Variants in KCTD15 observed in about 807,000 individuals in gnomAD.
KCTD15 encodes BTB/POZ domain-containing protein KCTD15.
KCTD15 carries 11 observed loss-of-function variants against 27.2 expected under a neutral mutation model. The observed-to-expected ratio is 0.41, with a 90% CI of 0.25 to 0.67. KCTD15 has a LOEUF of 0.67. KCTD15 is among the 30% of genes least tolerant of loss of function. The pLI is 0.35. For synonymous variants in KCTD15, 163 were observed against 176.0 expected, an observed-to-expected ratio of 0.93 and a Z score of 0.58; for missense variants, 350 against 409.3, an observed-to-expected ratio of 0.86 and a Z score of 1.25.
upstream of KCTD15, among the ~76,000 whole-genome samples, chr19:33,794,048 T>C (rs183430634): frequency 5.8e-4 from 89 of 152,264 alleles, no homozygotes; most frequent in South Asian, 2.5e-3. Context: ...CACTAAATTG[T>C]ACATTTTTAT....
At chr19:33,798,967 C>A (rs953705541) in intron 2 of KCTD15, among the ~76,000 whole-genome samples, 3 of 152,196 alleles carry the variant, frequency 2.0e-5, no homozygotes, top group African/African-American at 7.2e-5. Context: ...ATCCTCAGCG[C>A]GTCTTCCCTT....
chr19:33,810,846 C>A (rs1975875679), intron 5 of KCTD15, among the ~76,000 whole-genome samples: 1 of 151,626 alleles, frequency 6.6e-6, no homozygotes, highest in African/African-American at 2.4e-5. Flanking sequence ...GCTCCTAGGC[C>A]CGGCTGCCCT....
chr19:33,802,262 G>A (rs1218418990), intron 4 of KCTD15, among the ~76,000 whole-genome samples: 6 of 152,222 alleles, frequency 3.9e-5, no homozygotes, highest in Admixed American at 3.9e-4. Flanking sequence ...GAGCGTGGGA[G>A]GGCCAAGGCT....
At chr19:33,806,702 G>A (rs561397330) in intron 4 of KCTD15, among the ~76,000 whole-genome samples, 161 bp from the exon 5 acceptor site, 1 of 152,286 alleles carries the variant, frequency 6.6e-6, no homozygotes, top group South Asian at 2.1e-4. Context: ...TGCCCCAGGT[G>A]TGTGCAGATG....
intron 4 of KCTD15, 126 bp downstream of exon 4, chr19:33,801,468 C>T (rs1975543637): frequency 5.1e-6 from 4 of 777,524 alleles, no homozygotes; most frequent in Non-Finnish European, 7.9e-6. Context: ...GGTGCACAAG[C>T]TGACACAGCC....
upstream of KCTD15, chr19:33,796,408 A>T (rs1212161052): frequency 4.7e-5 from 7 of 150,068 alleles, no homozygotes; most frequent in Non-Finnish European, 8.9e-5. Context: ...AGGAGGGGAA[A>T]CGGCGCGTTT....
rs761695744 is a variant in KCTD15 at position 33,803,306 on chromosome 19, G to T, written c.242+1964G>T. On this transcript the variant is annotated intron_variant, in intron 4 of 6. Transcript: ENST00000683859. The stretch of plus-strand genomic sequence containing the variant: ...CAGCTGTGCTGGCAAGAGCCCCTCA[G>T]ATCTCTCTTGTCCTTCCTGTAGTGG... Among the ~76,000 whole-genome samples the T allele has an allele frequency of 2.6e-5, 4 of 152,362 alleles. No homozygotes were observed. In the East Asian group the frequency reaches 7.7e-4, roughly 29 times the overall value.
Position 33,811,491 on chromosome 19 carries a change from A to G in KCTD15, c.632A>G (p.Gln211Arg). Residue 211 changes from glutamine to arginine, a missense_variant, in exon 6 of 7, where the codon CAG (glutamine) becomes CGG (arginine). Gln to Arg is a conservative substitution (Grantham distance 43, BLOSUM62 1). Coordinates refer to ENST00000683859, the MANE Select transcript of KCTD15 (RefSeq NM_001129994.2). The stretch of plus-strand genomic sequence containing the variant: ...AACTCCGTCAACGCCGGCTGGAACC[A>G]GGACCCCACGCACGTCATCCGCTTC... ...MCNSVNAGWNQDPTHVIRFPL... is the reference protein window; with the variant it reads ...MCNSVNAGWNRDPTHVIRFPL... 1.2e-6 allele frequency: 2 copies of G among 1,612,436 alleles called. No individual in the cohort carries two copies. Among genetic ancestry groups the G allele is most frequent in the Non-Finnish European group, 1.7e-6 (2 of 1,179,440 alleles).
chr19:33,802,402 A>AG (rs1487105688), intron 4 of KCTD15, among the ~76,000 whole-genome samples: 2 of 152,192 alleles, frequency 1.3e-5, no homozygotes, highest in Non-Finnish European at 2.9e-5. Flanking sequence ...TCCTCAGAGC[A>AG]GGGAGGATGG....
Position 33,811,416 on chromosome 19 carries a change from A to G in KCTD15, c.557A>G (p.Glu186Gly). The G allele has an allele frequency of 1.2e-6, 2 of 1,611,148 alleles. No homozygotes were observed. The highest frequency in any genetic ancestry group is 8.5e-7 in the Non-Finnish European group (1 of 1,179,078). The part of the protein sequence containing the change: ...DLGERIALSG[E>G]KALIEEVFPE... ...GGCGAGCGGATCGCACTCAGCGGCGAGAAGGCCCTCATCGAGGAGGTCTTC... is the reference window on the plus strand; with the variant it reads ...GGCGAGCGGATCGCACTCAGCGGCGGGAAGGCCCTCATCGAGGAGGTCTTC... The change falls in exon 6 of 7, where the codon GAG becomes GGG. Residue 186 changes from glutamate (E) to glycine (G), a missense_variant. Around this residue, in one of 3 missense-constraint regions of KCTD15, gnomAD observed 219 missense variants for 234.9 expected, o/e 0.93. Coordinates refer to ENST00000683859, the MANE Select transcript of KCTD15 (RefSeq NM_001129994.2).
At chr19:33,804,427 G>C (rs1975652890) in intron 4 of KCTD15, among the ~76,000 whole-genome samples, 1 of 152,208 alleles carries the variant, frequency 6.6e-6, no homozygotes, top group African/African-American at 2.4e-5. Flanking sequence ...CGTCAGAAGG[G>C]TTGGGAACTC....
intron 4 of KCTD15, among the ~76,000 whole-genome samples, chr19:33,804,776 C>T (rs1975663270): frequency 6.6e-6 from 1 of 152,168 alleles, no homozygotes; most frequent in Non-Finnish European, 1.5e-5. Flanking sequence ...CCTGCAGTGC[C>T]ATTGTCACCA....
intron 6 of KCTD15, chr19:33,812,053 T>C: frequency 7.2e-7 from 1 of 1,391,292 alleles, no homozygotes; most frequent in Non-Finnish European, 9.3e-7. Context: ...GGGCCTATTT[T>C]CCAACAGCTC....
chr19:33,812,673 C>T lies in KCTD15; in HGVS notation c.694-117C>T, dbSNP rs184612711. On this transcript the variant is annotated intron_variant, in intron 6 of 6. Transcript: ENST00000683859. ...CTTTGTCAGTGAGCAAGACTGAGAT[C>T]GTCACAGGAGAAGGTGCCCTTGCTG... 5,617 of 1,387,158 alleles carry T rather than the reference C, an allele frequency of 4.0e-3. 21 individuals are homozygous for T. Among genetic ancestry groups the T allele is most frequent in the Non-Finnish European group, 5.0e-3 (5,327 of 1,070,700 alleles). 85.9% of individuals were successfully genotyped at this position (1,387,158 alleles called of 1,614,324 possible).
At chr19:33,804,514 C>T (rs2145458177) in intron 4 of KCTD15, among the ~76,000 whole-genome samples, 1 of 151,756 alleles carries the variant, frequency 6.6e-6, no homozygotes, top group East Asian at 1.9e-4. Flanking sequence ...TCCCAGGAGG[C>T]TGAGGGTTTG....
intron 5 of KCTD15, 60 bp downstream of exon 5, chr19:33,807,067 G>GCTGTGACTTAATAAGTGGACC: frequency 6.5e-7 from 1 of 1,544,220 alleles, no homozygotes; most frequent in South Asian, 1.2e-5. Flanking sequence ...CACAGGGGAC[G>GCTGTGACTTAATAAGTGGACC]CTGTGACTTA....
intron 6 of KCTD15, 25 bp downstream of exon 6, chr19:33,811,577 CCCGCCGCA>C (rs765763548): frequency 1.9e-6 from 3 of 1,572,048 alleles, no homozygotes; most frequent in Non-Finnish European, 2.6e-6. Context: ...CTGCCCCCTC[CCCGCCGCA>C]CCCCCGGCGT....
In KCTD15 at chr19:33,812,946, T is replaced by C; in HGVS notation, c.850T>C (p.Ter284GlnextTer67). Residue 284 changes from the stop codon to glutamine (Q), a stop_lost, in exon 7 of 7, where the codon TAG becomes CAG. Transcript: ENST00000683859. Reference sequence around the variant, plus strand: ...TCGAATCAAGCAGGAACCCCTGGACTAGGCCCTGCTTCAGTGCCCACCTGG... The same window carrying C: ...TCGAATCAAGCAGGAACCCCTGGACCAGGCCCTGCTTCAGTGCCCACCTGG... ...AVRIKQEPLD* is the reference protein window; with the variant it reads ...AVRIKQEPLDQ The C allele has an allele frequency of 6.5e-7, 1 of 1,544,690 alleles. No homozygotes were observed. Among genetic ancestry groups the C allele is most frequent in the Non-Finnish European group, 8.7e-7 (1 of 1,145,362 alleles).
intron 4 of KCTD15, among the ~76,000 whole-genome samples, chr19:33,805,866 G>GGCTCT (rs1367911209): frequency 6.6e-6 from 1 of 152,200 alleles, no homozygotes; most frequent in Admixed American, 6.5e-5. Flanking sequence ...TATCAGCCCT[G>GGCTCT]GCTCTGAGGC....
Sources: gnomAD v4.1 joint callset for allele counts (sites outside exome capture counted in the v4.1 genomes callset) on GRCh38, gnomAD v4.1.1 for gene constraint, gnomAD v4.1.1 regional missense constraint, MANE v1.5 for transcripts, NCBI Gene and HGNC (gene_info 2026-07-23, HGNC 2026-07-21) for gene names.